Variants in ARHGAP11B observed in about 807,000 individuals in gnomAD.
ARHGAP11B encodes inactive Rho GTPase-activating protein 11B.
Under a neutral mutation model 27.6 loss-of-function variants are expected in ARHGAP11B, and 14 were observed. That is an observed-to-expected ratio of 0.51 (90% CI 0.34 to 0.79). ARHGAP11B has a LOEUF of 0.79. Among genes scored for constraint, ARHGAP11B ranks in the 30% least tolerant of loss-of-function variants. The pLI, the probability that ARHGAP11B is intolerant of heterozygous loss-of-function variation, is 0.02. For missense variants in ARHGAP11B, 245 were observed against 320.1 expected (o/e 0.77, Z 1.79); for synonymous variants, 82 against 114.1 (o/e 0.72, Z 1.80).
At chr15:30,641,261 A>G (rs1348317110) in intron 7 of ARHGAP11B, among the ~76,000 whole-genome samples, 1 of 152,058 alleles carries the variant, frequency 6.6e-6, no homozygotes, top group South Asian at 2.1e-4. Flanking sequence ...TTTAGATTAT[A>G]AAAAATATGA....
intron 2 of ARHGAP11B, 83 bp downstream of exon 2, chr15:30,630,856 G>A: frequency 1.2e-6 from 2 of 1,607,308 alleles, no homozygotes; most frequent in Non-Finnish European, 1.7e-6. Context: ...GAGGTGGGCA[G>A]ATCACTTGAG....
chr15:30,636,009 G>T (rs898681166), intron 6 of ARHGAP11B, among the ~76,000 whole-genome samples: 6 of 150,406 alleles, frequency 4.0e-5, no homozygotes, highest in Non-Finnish European at 7.4e-5. Flanking sequence ...GTGTAGGGAA[G>T]AAGTAACCTA....
intron 2 of ARHGAP11B, among the ~76,000 whole-genome samples, chr15:30,631,511 G>A (rs955298070): frequency 5.9e-5 from 9 of 151,848 alleles, no homozygotes; most frequent in Non-Finnish European, 1.2e-4. Flanking sequence ...AAATTTTAAA[G>A]AAAAATCAGC....
chr15:30,633,498 T>C (rs750569371), exon 3 of ARHGAP11B: 3 of 1,609,900 alleles, frequency 1.9e-6, no homozygotes, highest in African/African-American at 1.3e-5. Context: ...AGCTTTCTTG[T>C]CGATGCTTGC....
intron 9 of ARHGAP11B, among the ~76,000 whole-genome samples, chr15:30,646,674 A>AAC (rs36088641): frequency 0.25 from 37,471 of 150,024 alleles, 5,075 homozygotes; most frequent in Middle Eastern, 0.35. Flanking sequence ...AAAAAAAAAA[A>AAC]ATATGTGAAA....
At chr15:30,643,224 A>C (rs1201756703) in intron 7 of ARHGAP11B, among the ~76,000 whole-genome samples, 1 of 149,778 alleles carries the variant, frequency 6.7e-6, no homozygotes, top group Non-Finnish European at 1.5e-5. Flanking sequence ...CTAGTCTTTC[A>C]TGGTTTTGTC....
chr15:30,640,027 A>G (rs1415752663), intron 7 of ARHGAP11B, among the ~76,000 whole-genome samples: 1 of 147,556 alleles, frequency 6.8e-6, no homozygotes, highest in Non-Finnish European at 1.5e-5. Context: ...GACAACATCT[A>G]TTGAAAGTTG....
chr15:30,646,023 C>A, intron 8 of ARHGAP11B: 1 of 223,582 alleles, frequency 4.5e-6, no homozygotes. Context: ...TTATCCTCAT[C>A]TTAGTTGTCG....
intron 9 of ARHGAP11B, among the ~76,000 whole-genome samples, chr15:30,646,990 G>T (rs888133339): frequency 6.6e-6 from 1 of 151,740 alleles, no homozygotes; most frequent in Non-Finnish European, 1.5e-5. Flanking sequence ...AAAACAAAAC[G>T]TGATATCATA....
intron 3 of ARHGAP11B, 113 bp from the exon 4 acceptor site, chr15:30,634,057 G>C: frequency 2.0e-6 from 2 of 1,004,752 alleles, no homozygotes; most frequent in Non-Finnish European, 2.9e-6. Context: ...ATTAAAATAA[G>C]AGTTAAGAGA....
chr15:30,634,941 C>A, intron 4 of ARHGAP11B, 139 bp from the exon 5 acceptor site: 2 of 780,984 alleles, frequency 2.6e-6, no homozygotes, highest in Admixed American at 2.7e-5. Flanking sequence ...GTGTTCAAGC[C>A]AATCATGTAG....
chr15:30,633,084 A>G (rs2060255751), intron 2 of ARHGAP11B, among the ~76,000 whole-genome samples: 1 of 150,372 alleles, frequency 6.7e-6, no homozygotes, highest in South Asian at 2.1e-4. Context: ...CTGACCATGG[A>G]TTTGGCAAGG....
At chr15:30,627,443 T>C (rs1208114199) in intron 1 of ARHGAP11B, among the ~76,000 whole-genome samples, 1 of 152,094 alleles carries the variant, frequency 6.6e-6, no homozygotes, top group Non-Finnish European at 1.5e-5. Flanking sequence ...CAGTGCATTT[T>C]CTACATGAAT....
exon 1 of ARHGAP11B, chr15:30,626,256 C>T (rs950150321): frequency 6.5e-6 from 1 of 152,874 alleles, no homozygotes; most frequent in African/African-American, 2.4e-5. Flanking sequence ...AACGAGCAGC[C>T]TGTGAGACGG....
chr15:30,633,813 G>A (rs569857345), intron 3 of ARHGAP11B, among the ~76,000 whole-genome samples: 1 of 151,244 alleles, frequency 6.6e-6, no homozygotes, highest in Non-Finnish European at 1.5e-5. Context: ...TTTCTATCAA[G>A]TATTATGTAA....
rs1347398765 is a variant in ARHGAP11B at position 30,633,375 on chromosome 15, A to T, written c.201-115A>T. 5.0e-6 allele frequency: 4 copies of T among 793,908 alleles called. No homozygotes were observed. In the Admixed American group the frequency reaches 1.0e-4, roughly 20 times the overall value. The allele number at this position is 793,908 out of a possible 1,614,324, so 49.2% of individuals were successfully genotyped here. A position where few individuals can be genotyped will look rare whatever the true frequency, so the allele number is the denominator to read the frequency against. On this transcript the variant is annotated intron_variant, in intron 2 of 10. Transcript: ENST00000428041. ...ACATTTCATCTCAAAGACTACAGAG[A>T]TTTGTGGCTTTAGAGCCTCTGAAAG...
At chr15:30,641,223 C>G (rs1225199735) in intron 7 of ARHGAP11B, among the ~76,000 whole-genome samples, 1 of 151,786 alleles carries the variant, frequency 6.6e-6, no homozygotes, top group East Asian at 1.9e-4. Context: ...ATTCCATTTG[C>G]AAAATTGAAA....
At chr15:30,629,029 A>AT (rs1225616175) in intron 1 of ARHGAP11B, among the ~76,000 whole-genome samples, 2 of 152,038 alleles carry the variant, frequency 1.3e-5, no homozygotes, top group African/African-American at 2.4e-5. Flanking sequence ...CCATACTAAC[A>AT]TTTTTTTAAA....
At chr15:30,642,706 A>C (rs1201153581) in intron 7 of ARHGAP11B, among the ~76,000 whole-genome samples, 2 of 152,024 alleles carry the variant, frequency 1.3e-5, no homozygotes, top group Non-Finnish European at 2.9e-5. Flanking sequence ...GCCTGTCTCC[A>C]AATCTTGTTC....
Sources: allele counts gnomAD v4.1 joint callset (sites outside exome capture counted in the v4.1 genomes callset), GRCh38; gene constraint gnomAD v4.1.1; transcripts MANE v1.5; gene names NCBI Gene and HGNC (gene_info 2026-07-23, HGNC 2026-07-21).